Variants in JMJD4 observed in about 807,000 individuals in gnomAD.
JMJD4 encodes 2-oxoglutarate and iron-dependent oxygenase JMJD4.
In JMJD4, 34 loss-of-function variants were observed where a neutral mutation model predicts 36.3. That is an observed-to-expected ratio of 0.94 (90% confidence interval 0.71 to 1.25). JMJD4 has a LOEUF of 1.25. Among genes scored for constraint, JMJD4 ranks in the 50% most tolerant of loss-of-function variants. The probability of loss-of-function intolerance (pLI) is 0.00; values close to 1 mark genes in which losing one functional copy is unlikely to be tolerated. For synonymous variants in JMJD4, 269 were observed against 235.3 expected (o/e 1.14, Z -1.31); for missense variants, 584 against 559.1 (o/e 1.04, Z -0.45).
Position 227,732,166 on chromosome 1 carries a change from CA to C in JMJD4, c.*225del. 1.7e-6 allele frequency: 1 copy of C among 599,322 alleles called. No individual in the cohort carries two copies. The highest frequency in any genetic ancestry group is 2.8e-5 in the East Asian group (1 of 35,794). 37.1% of individuals were successfully genotyped at this position (599,322 alleles called of 1,614,324 possible). On this transcript the variant is annotated 3_prime_UTR_variant, in exon 6 of 6. Transcript: ENST00000620518. ...GGTCCTGGCACCATCTCCGAGCTCC[CA>C]GCAGGCCTGCTGCAGGTCAGAAGGG...
chr1:227,734,122 T>C, intron 2 of JMJD4, 90 bp from the exon 3 acceptor site: 3 of 1,437,978 alleles, frequency 2.1e-6, no homozygotes, highest in Non-Finnish European at 2.8e-6. Context: ...ACCAATCGGC[T>C]CCAGTGGAGC....
rs1272037090 is a variant in JMJD4 at position 227,735,201 on chromosome 1, GGCC to G, written c.70_72del (p.Gly24del). 1.3e-6 allele frequency: 2 copies of G among 1,582,806 alleles called. No homozygotes were observed. The highest frequency in any genetic ancestry group is 1.7e-6 in the Non-Finnish European group (2 of 1,165,190). On this transcript the variant is annotated inframe_deletion, in exon 1 of 6. Transcript: ENST00000620518. ...ACGAAGGCTACCCGGCCCGGAGCCT[GGCC>G]GACGCCGGGGACATCGACCCCCAGG...
chr1:227,732,623 G>A lies in JMJD4; in HGVS notation c.1023C>T (p.Leu341=), dbSNP rs779487491. The change falls in exon 6 of 6, where the codon CTC becomes CTT. Residue 341 remains leucine (L), a synonymous_variant. Coordinates refer to ENST00000620518, the MANE Select transcript of JMJD4 (RefSeq NM_023007.3). ...GGAGCCTCTTCTCAGCGATGACCTT[G>A]AGGAAGTGGTAAAACTCTTCAAAGT... ...GINFEEFYHF[L]KVIAEKRLLV... is the part of the protein sequence containing the mutation. 1.2e-6 allele frequency: 2 copies of A among 1,613,466 alleles called. No homozygotes were observed. Among genetic ancestry groups the A allele is most frequent in the East Asian group, 4.5e-5 (2 of 44,876 alleles).
chr1:227,734,688 TG>T lies in JMJD4; in HGVS notation c.390del (p.Arg131GlyfsTer32), dbSNP rs1457606107. 1 of 1,614,128 alleles carries T rather than the reference TG, an allele frequency of 6.2e-7. No homozygotes were observed. Among genetic ancestry groups the T allele is most frequent in the South Asian group, 1.1e-5 (1 of 91,080 alleles). ...KEYIQAGYSS[P>X]RGCLYLKDWH... Reference sequence around the variant, plus strand: ...CAGTCTTTGAGGTAGAGACAGCCCCTGGGAGAGGAGTAGCCCGCCTGTATGT... The same window carrying T: ...CAGTCTTTGAGGTAGAGACAGCCCCTGGAGAGGAGTAGCCCGCCTGTATGT... On this transcript the variant is annotated frameshift_variant, in exon 2 of 6. Coordinates refer to ENST00000620518, the MANE Select transcript of JMJD4 (RefSeq NM_023007.3). LOFTEE classifies it high-confidence loss of function.
rs899454795 is a variant in JMJD4 at position 227,731,365 on chromosome 1, T to C, written c.*1027A>G. On this transcript the variant is annotated 3_prime_UTR_variant, in exon 6 of 6. Transcript: ENST00000620518. ...CCCAGTTGATGCCACGGGCAGGCAA[T>C]GTGCATAGCCATGGCACGTGCCGTC... The C allele has an allele frequency of 5.3e-5, 8 of 152,242 alleles. No individual in the cohort carries two copies. Among genetic ancestry groups the C allele is most frequent in the East Asian group, 1.9e-4 (1 of 5,190 alleles). The allele number at this position is 152,242 out of a possible 1,614,324, so 9.4% of individuals were successfully genotyped here.
Position 227,732,162 on chromosome 1 carries a change from C to G in JMJD4, c.*230G>C. ...GCCAGGTCCTGGCACCATCTCCGAG[C>G]TCCCAGCAGGCCTGCTGCAGGTCAG... On this transcript the variant is annotated 3_prime_UTR_variant, in exon 6 of 6. Coordinates refer to ENST00000620518, the MANE Select transcript of JMJD4 (RefSeq NM_023007.3). The G allele has an allele frequency of 1.7e-6, 1 of 594,490 alleles. No individual in the cohort carries two copies. Among genetic ancestry groups the G allele is most frequent in the Non-Finnish European group, 3.0e-6 (1 of 334,612 alleles). 36.8% of individuals were successfully genotyped at this position (594,490 alleles called of 1,614,324 possible). A position where few individuals can be genotyped will look rare whatever the true frequency, so the allele number is the denominator to read the frequency against.
At position 227,732,199 on chromosome 1, in the gene JMJD4, C is replaced by T; in HGVS notation, c.*193G>A. 1 of 639,648 alleles carries T rather than the reference C, an allele frequency of 1.6e-6. No individual in the cohort carries two copies. Among genetic ancestry groups the T allele is most frequent in the South Asian group, 2.0e-5 (1 of 51,036 alleles). 39.6% of individuals were successfully genotyped at this position (639,648 alleles called of 1,614,324 possible). On this transcript the variant is annotated 3_prime_UTR_variant, in exon 6 of 6. Transcript: ENST00000620518. ...CTGCTGCAGGTCAGAAGGGCCACAT[C>T]CCATCTTGGGTCCCTGACCTCATTG...
At position 227,733,911 on chromosome 1, in the gene JMJD4, T is replaced by C; in HGVS notation, c.550A>G (p.Ser184Gly). The C allele has an allele frequency of 2.5e-6, 4 of 1,613,548 alleles. No individual in the cohort carries two copies. The highest frequency in any genetic ancestry group is 3.4e-6 in the Non-Finnish European group (4 of 1,179,936). The change falls in exon 3 of 6, where the codon AGC (serine) becomes GGC (glycine). Residue 184 changes from serine (S) to glycine (G), a missense_variant. Coordinates refer to ENST00000620518, the MANE Select transcript of JMJD4 (RefSeq NM_023007.3). ...YRFVYAGPAG[S>G]WSPFHADIFR... ...CTCCCACATCCGTGGCCTCACCAGC[T>C]GCCCGCAGGCCCCGCGTAGACAAAG... is the stretch of plus-strand genomic sequence containing the variant.
In JMJD4 at chr1:227,733,655, CG is replaced by C. The variant is rs1558182613; in HGVS notation, c.580del (p.Arg194AlafsTer37). 6.2e-7 allele frequency: 1 copy of C among 1,602,466 alleles called. No individual in the cohort carries two copies. On this transcript the variant is annotated frameshift_variant, in exon 4 of 6. Coordinates refer to ENST00000620518, the MANE Select transcript of JMJD4 (RefSeq NM_023007.3). LOFTEE classifies it high-confidence loss of function. ...GACATTGACAGACCAGCTGAAGGAGCGGAAGATGTCAGCATGGAACGGGGAC... is the reference window on the plus strand; with the variant it reads ...GACATTGACAGACCAGCTGAAGGAGCGAAGATGTCAGCATGGAACGGGGAC... ...SWSPFHADIF[R>X]SFSWSVNVCG... is the part of the protein sequence containing the mutation.
chr1:227,734,986 C>A (rs1009762689), intron 1 of JMJD4, 26 bp downstream of exon 1: 1 of 1,511,298 alleles, frequency 6.6e-7, no homozygotes, highest in Non-Finnish European at 8.8e-7. Flanking sequence ...TTCCTCCCCG[C>A]CCGGGGTCTG....
At position 227,733,660 on chromosome 1, in the gene JMJD4, G is replaced by A. The variant is rs767519056; in HGVS notation, c.576C>T (p.Ile192=). The change falls in exon 4 of 6, where the codon ATC becomes ATT. Residue 192 remains isoleucine, a synonymous_variant. Coordinates refer to ENST00000620518, the MANE Select transcript of JMJD4 (RefSeq NM_023007.3). ...TGACAGACCAGCTGAAGGAGCGGAA[G>A]ATGTCAGCATGGAACGGGGACCTGC... ...AGSWSPFHAD[I]FRSFSWSVNV... The A allele has an allele frequency of 1.2e-6, 2 of 1,602,130 alleles. No individual in the cohort carries two copies. The highest frequency in any genetic ancestry group is 1.3e-5 in the African/African-American group (1 of 75,026).
At chr1:227,734,073 G>A in intron 2 of JMJD4, 41 bp from the exon 3 acceptor site, 9 of 1,598,942 alleles carry the variant, frequency 5.6e-6, no homozygotes, top group Non-Finnish European at 7.7e-6. Context: ...AGCACGTGAG[G>A]CACGAGGAGA....
Position 227,733,679 on chromosome 1 carries a change from G to A in JMJD4, c.557C>T (p.Ser186Phe), listed in dbSNP as rs778637248. ...GCGGAAGATGTCAGCATGGAACGGG[G>A]ACCTGCGGCAGCAAGAGCGCCTGGT... Reference protein sequence around the residue: ...FVYAGPAGSWSPFHADIFRSF... With the variant: ...FVYAGPAGSWFPFHADIFRSF... The change falls in exon 4 of 6, where the codon TCC (serine) becomes TTC (phenylalanine). Residue 186 changes from serine to phenylalanine, a missense_variant and splice_region_variant. Physicochemically the swap from Ser to Phe is radical, Grantham distance 155. Coordinates refer to ENST00000620518, the MANE Select transcript of JMJD4 (RefSeq NM_023007.3). The A allele has an allele frequency of 3.1e-6, 5 of 1,600,186 alleles. No homozygotes were observed. The highest frequency in any genetic ancestry group is 2.2e-5 in the East Asian group (1 of 44,874).
At chr1:227,734,246 CTGATCA>C (rs1660896730) in intron 2 of JMJD4, 1 of 568,126 alleles carries the variant, frequency 1.8e-6, no homozygotes, top group Non-Finnish European at 3.1e-6. Context: ...TTAGAAAGTA[CTGATCA>C]TGCCTATAAT....
chr1:227,733,339 GGA>G, intron 4 of JMJD4, 73 bp downstream of exon 4: 1 of 1,460,056 alleles, frequency 6.8e-7, no homozygotes, highest in Non-Finnish European at 9.2e-7. Flanking sequence ...GCTCTGGCTG[GGA>G]GAGTGGGGAG....
intron 4 of JMJD4, 51 bp from the exon 5 acceptor site, chr1:227,733,078 G>T: frequency 1.3e-6 from 2 of 1,597,160 alleles, no homozygotes; most frequent in South Asian, 2.2e-5. Context: ...GGTGCCCCCT[G>T]ACCAACCCAC....
chr1:227,733,642 C>T lies in JMJD4; in HGVS notation c.594G>A (p.Trp198Ter), dbSNP rs1396321795. ...TCTTCCTCCCACAGACATTGACAGA[C>T]CAGCTGAAGGAGCGGAAGATGTCAG... is the stretch of plus-strand genomic sequence containing the variant. ...FHADIFRSFS[W>*]SVNVCGRKKW... Residue 198 changes from tryptophan (W) to a stop codon, truncating the protein, a stop_gained, in exon 4 of 6, where the codon TGG (tryptophan) becomes TGA (stop). Transcript: ENST00000620518. LOFTEE classifies it high-confidence loss of function. 6 of 1,604,434 alleles carry T rather than the reference C, an allele frequency of 3.7e-6. No individual in the cohort carries two copies. The highest frequency in any genetic ancestry group is 4.2e-6 in the Non-Finnish European group (5 of 1,179,610).
intron 2 of JMJD4, 131 bp downstream of exon 2, chr1:227,734,520 A>T: frequency 2.5e-6 from 2 of 787,538 alleles, no homozygotes; most frequent in Non-Finnish European, 4.1e-6. Context: ...AGTTTCTTTT[A>T]AACTGATTAA....
At position 227,735,282 on chromosome 1, in the gene JMJD4, G is replaced by T. The variant is rs779114582; in HGVS notation, c.-9C>A. The stretch of plus-strand genomic sequence containing the variant: ...CGCGTCTCGCGGTCCATCCAGCTCA[G>T]CACGGGTCGAAGGACCCTCCTCCTC... On this transcript the variant is annotated 5_prime_UTR_variant, in exon 1 of 6. In the 5' UTR this introduces an upstream ATG that the reference lacks. Coordinates refer to ENST00000620518, the MANE Select transcript of JMJD4 (RefSeq NM_023007.3). 31 of 1,606,302 alleles carry T rather than the reference G, an allele frequency of 1.9e-5. No individual in the cohort carries two copies. In the East Asian group the frequency reaches 6.5e-4, roughly 34 times the overall value.
Sources: allele counts gnomAD v4.1 joint callset, GRCh38; gene constraint gnomAD v4.1.1; transcripts MANE v1.5; gene names NCBI Gene and HGNC (gene_info 2026-07-23, HGNC 2026-07-21).